ZZZ3: variants seen among roughly 807,000 people sequenced by gnomAD.
The protein encoded by ZZZ3 is ZZ-type zinc finger-containing protein 3.
A neutral mutation model predicts 95.2 loss-of-function variants in ZZZ3; 22 were observed. The ratio of observed to expected loss-of-function variants is 0.23; its 90% CI spans 0.17 to 0.33. The LOEUF (loss-of-function observed/expected upper bound fraction) is 0.33. Ranked by LOEUF, ZZZ3 falls within the 10% of genes least tolerant of loss-of-function variation. ZZZ3 has a pLI of 1.00. For missense variants in ZZZ3, 885 were observed against 1,066.5 expected, an observed-to-expected ratio of 0.83 and a Z score of 2.37; for synonymous variants, 335 against 358.9, an observed-to-expected ratio of 0.93 and a Z score of 0.75.
chr1:77,584,122 G>A (rs1486569536), intron 6 of ZZZ3, among the ~76,000 whole-genome samples: 2 of 152,112 alleles, frequency 1.3e-5, no homozygotes, highest in Non-Finnish European at 2.9e-5. Flanking sequence ...GTACTAGTGT[G>A]CAAAAGTAGC....
At chr1:77,575,151 T>A (rs1661799217) in intron 12 of ZZZ3, among the ~76,000 whole-genome samples, 2 of 151,964 alleles carry the variant, frequency 1.3e-5, no homozygotes, top group Admixed American at 1.3e-4. Flanking sequence ...ACCACTGCAC[T>A]CCTGCCTGGG....
At chr1:77,645,709 C>T (rs903437605) in intron 1 of ZZZ3, 11 of 152,180 alleles carry the variant, frequency 7.2e-5, no homozygotes, top group Non-Finnish European at 1.0e-4. Flanking sequence ...CAGTGGCTCA[C>T]GCCTGTAATG....
chr1:77,674,054 G>T (rs1482570693), intron 1 of ZZZ3, among the ~76,000 whole-genome samples: 1 of 146,098 alleles, frequency 6.8e-6, no homozygotes. Context: ...AGCCATCAGT[G>T]ACATAAATTT....
Position 77,578,775 on chromosome 1 carries a change from T to C in ZZZ3, c.2177A>G (p.Lys726Arg). Residue 726 changes from lysine to arginine, a missense_variant and splice_region_variant, in exon 11 of 15, where the codon AAG becomes AGG. By Grantham distance (26) the Lys-to-Arg change is conservative. This residue lies in a region of ZZZ3 where 221 missense variants were observed against 247.8 expected (regional missense o/e 0.89). Coordinates refer to ENST00000370801, the MANE Select transcript of ZZZ3 (RefSeq NM_015534.6). ...TTACTTTCATGTATTTTCTTTTACC[T>C]TTTTGGAGTATATATATAAGTTTGG... ...RTPNLYIYSK[K>R]SSTSRRQHPL... 6.6e-7 allele frequency: 1 copy of C among 1,512,860 alleles called. No homozygotes were observed. Among genetic ancestry groups the C allele is most frequent in the Admixed American group, 2.4e-5 (1 of 41,740 alleles). The allele number at this position is 1,512,860 out of a possible 1,614,324, so 93.7% of individuals were successfully genotyped here. A position where few individuals can be genotyped will look rare whatever the true frequency, so the allele number is the denominator to read the frequency against.
intron 12 of ZZZ3, among the ~76,000 whole-genome samples, chr1:77,569,502 C>G (rs1016321086): frequency 2.6e-4 from 39 of 152,166 alleles, no homozygotes; most frequent in African/African-American, 7.2e-4. Flanking sequence ...TATTAACATG[C>G]AAAATTTGTC....
chr1:77,565,902 A>G (rs1159521876), intron 14 of ZZZ3, 118 bp from the exon 15 acceptor site: 1 of 1,222,980 alleles, frequency 8.2e-7, no homozygotes, highest in African/African-American at 1.5e-5. Context: ...AAAATCTCCA[A>G]CGGAAAGTTA....
Position 77,562,557 on chromosome 1 carries a change from A to G in ZZZ3, c.*3083T>C, listed in dbSNP as rs1173044366. On this transcript the variant is annotated 3_prime_UTR_variant, in exon 15 of 15. Transcript: ENST00000370801. ...TTTTTCAAATGTTCATACCTAGTAA[A>G]TTTTTGTGTTCTGTGAATCAATTTA... The G allele has an allele frequency of 6.6e-6, 1 of 152,132 alleles. No homozygotes were observed. Among genetic ancestry groups the G allele is most frequent in the African/African-American group, 2.4e-5 (1 of 41,420 alleles). The allele number at this position is 152,132 out of a possible 1,614,324, so 9.4% of individuals were successfully genotyped here. A position where few individuals can be genotyped will look rare whatever the true frequency, so the allele number is the denominator to read the frequency against.
chr1:77,675,611 T>C (rs1023394053), intron 1 of ZZZ3, among the ~76,000 whole-genome samples: 6 of 152,106 alleles, frequency 3.9e-5, no homozygotes, highest in Non-Finnish European at 7.4e-5. Flanking sequence ...TTTTTTTTTT[T>C]CAAATATTTA....
intron 1 of ZZZ3, among the ~76,000 whole-genome samples, 167 bp downstream of exon 1, chr1:77,682,418 G>A (rs111737848): frequency 0.026 from 4,013 of 152,316 alleles, 57 homozygotes; most frequent in Middle Eastern, 0.078. Flanking sequence ...GGACCTGGCT[G>A]AGGGGTGCAT....
chr1:77,585,339 C>T (rs1237637904), intron 5 of ZZZ3, among the ~76,000 whole-genome samples: 2 of 152,198 alleles, frequency 1.3e-5, no homozygotes, highest in Admixed American at 6.5e-5. Flanking sequence ...GTTTTACCCA[C>T]ACAAATATAT....
chr1:77,647,088 T>C (rs1669347275), intron 1 of ZZZ3, among the ~76,000 whole-genome samples: 4 of 152,212 alleles, frequency 2.6e-5, no homozygotes, highest in Admixed American at 2.6e-4. Context: ...ATGTAGTTCC[T>C]AGTTTATAGG....
At chr1:77,639,670 C>T in intron 3 of ZZZ3, 68 bp from the exon 4 acceptor site, 1 of 382,888 alleles carries the variant, frequency 2.6e-6, no homozygotes. Context: ...AGATTTACTC[C>T]TTCTATAATA....
At chr1:77,615,035 G>C (rs974896884) in intron 5 of ZZZ3, 10 of 152,202 alleles carry the variant, frequency 6.6e-5, no homozygotes, top group African/African-American at 2.4e-4. Context: ...CAGCAAGAGT[G>C]GAGGAATCCA....
intron 5 of ZZZ3, among the ~76,000 whole-genome samples, chr1:77,622,112 C>CTGT (rs1028114317): frequency 2.0e-5 from 2 of 100,384 alleles, no homozygotes; most frequent in African/African-American, 8.0e-5. Flanking sequence ...CTAGCCTGGG[C>CTGT]AACATAATGA....
intron 5 of ZZZ3, among the ~76,000 whole-genome samples, chr1:77,609,536 C>G (rs1463571510): frequency 6.6e-6 from 1 of 152,080 alleles, no homozygotes; most frequent in Non-Finnish European, 1.5e-5. Flanking sequence ...ATAGACCGAC[C>G]AAATGGACCT....
At chr1:77,598,952 G>A (rs756389371) in intron 5 of ZZZ3, among the ~76,000 whole-genome samples, 8 of 151,986 alleles carry the variant, frequency 5.3e-5, no homozygotes, top group Non-Finnish European at 1.2e-4. Context: ...TAGTTAAACC[G>A]GCCCCATTAT....
Position 77,563,451 on chromosome 1 carries a change from ATCT to A in ZZZ3, c.*2186_*2188del, listed in dbSNP as rs1203622589. The A allele has an allele frequency of 2.6e-5, 4 of 152,184 alleles. No individual in the cohort carries two copies. The highest frequency in any genetic ancestry group is 5.9e-5 in the Non-Finnish European group (4 of 68,026). The allele number at this position is 152,184 out of a possible 1,614,324, so 9.4% of individuals were successfully genotyped here. A position where few individuals can be genotyped will look rare whatever the true frequency, so the allele number is the denominator to read the frequency against. On this transcript the variant is annotated 3_prime_UTR_variant, in exon 15 of 15. Transcript: ENST00000370801. Reference sequence around the variant, plus strand: ...GAGCTGAAAAATGCAAAACAAACACATCTTCTGCTCAAGCCGAAAAATCTTCTT... The same window carrying A: ...GAGCTGAAAAATGCAAAACAAACACATCTGCTCAAGCCGAAAAATCTTCTT...
Position 77,681,042 on chromosome 1 carries a change from C to G in ZZZ3, c.-403+1543G>C, listed in dbSNP as rs1672707500. ...GTATGCATACGTAAGTCTTGACAAACAGGCATATATCACTAAATAAAAATT... is the reference window on the plus strand; with the variant it reads ...GTATGCATACGTAAGTCTTGACAAAGAGGCATATATCACTAAATAAAAATT... On this transcript the variant is annotated intron_variant, in intron 1 of 14. Coordinates refer to ENST00000370801, the MANE Select transcript of ZZZ3 (RefSeq NM_015534.6). Among the ~76,000 whole-genome samples, 3 of 152,212 alleles carry G rather than the reference C, an allele frequency of 2.0e-5. No homozygotes were observed. The South Asian group carries it at 6.2e-4, about 32-fold the overall frequency.
intron 1 of ZZZ3, among the ~76,000 whole-genome samples, chr1:77,670,037 C>T (rs1432016358): frequency 1.3e-5 from 2 of 149,720 alleles, no homozygotes; most frequent in African/African-American, 2.5e-5. Flanking sequence ...CTAACAAATT[C>T]CCCCAAAAAA....
Sources: allele counts gnomAD v4.1 joint callset (sites outside exome capture counted in the v4.1 genomes callset), GRCh38; gene constraint gnomAD v4.1.1; regional missense constraint gnomAD v4.1.1; transcripts MANE v1.5; gene names NCBI Gene and HGNC (gene_info 2026-07-23, HGNC 2026-07-21).